The following GRIK2 variants were observed in gnomAD, a reference collection of about 807,000 sequenced individuals.
GRIK2 encodes glutamate receptor ionotropic, kainate 2.
A neutral mutation model predicts 100.3 loss-of-function variants in GRIK2; 32 were observed. The ratio of observed to expected loss-of-function variants is 0.32; its 90% CI spans 0.24 to 0.43. The LOEUF (loss-of-function observed/expected upper bound fraction) is 0.43. GRIK2 is among the 20% of genes least tolerant of loss of function. The probability of loss-of-function intolerance (pLI) is 1.00; values close to 1 mark genes in which losing one functional copy is unlikely to be tolerated. For missense variants in GRIK2, 843 were observed against 1,114.9 expected (o/e 0.76, Z 3.47); for synonymous variants, 417 against 389.4 (o/e 1.07, Z -0.83).
At chr6:101,812,637 C>T (rs185695060) in intron 9 of GRIK2, among the ~76,000 whole-genome samples, 45 of 151,848 alleles carry the variant, frequency 3.0e-4, no homozygotes, top group Middle Eastern at 3.4e-3. Flanking sequence ...AGTCTCCATC[C>T]GTAGGGAATT....
intron 9 of GRIK2, among the ~76,000 whole-genome samples, chr6:101,816,996 C>T (rs1425403100): frequency 6.6e-6 from 1 of 152,106 alleles, no homozygotes; most frequent in African/African-American, 2.4e-5. Flanking sequence ...TTACTACGGC[C>T]CTGTACATTA....
intron 12 of GRIK2, among the ~76,000 whole-genome samples, chr6:101,913,094 A>G (rs552221844): frequency 9.9e-5 from 15 of 151,770 alleles, no homozygotes; most frequent in African/African-American, 3.1e-4. Context: ...AGTAGATCAC[A>G]AAAAAGACAG....
At position 101,488,021 on chromosome 6, in the gene GRIK2, A is replaced by C. The variant is rs563611353; in HGVS notation, c.115+88629A>C. ...GATGGATGTCAACTATAAAGTTACA[A>C]GTCTTCATCTTTTTACTTCTATTTA... On this transcript the variant is annotated intron_variant, in intron 2 of 16. Transcript: ENST00000369134. Among the ~76,000 whole-genome samples, 2 of 146,528 alleles carry C rather than the reference A, an allele frequency of 1.4e-5. 1 individual carries two copies. The highest frequency in any genetic ancestry group is 5.2e-5 in the African/African-American group (2 of 38,590).
chr6:101,686,453 A>T, intron 7 of GRIK2, 100 bp downstream of exon 7: 1 of 817,478 alleles, frequency 1.2e-6, no homozygotes, highest in African/African-American at 1.7e-5. Flanking sequence ...CTTCAGTTTA[A>T]TTGTTTGACA....
chr6:101,630,498 G>A (rs1402577134), intron 4 of GRIK2, among the ~76,000 whole-genome samples: 7 of 152,080 alleles, frequency 4.6e-5, no homozygotes, highest in Non-Finnish European at 2.9e-5. Flanking sequence ...TTTGTTGGCT[G>A]CATGTACATC....
intron 15 of GRIK2, among the ~76,000 whole-genome samples, chr6:102,051,255 TC>T: frequency 2.0e-5 from 1 of 48,850 alleles, no homozygotes; most frequent in East Asian, 8.3e-4. Flanking sequence ...CTCCCTCCCT[TC>T]CTTCCTTCCT....
At chr6:102,013,207 G>T (rs932839670) in intron 14 of GRIK2, among the ~76,000 whole-genome samples, 6 of 152,142 alleles carry the variant, frequency 3.9e-5, no homozygotes, top group African/African-American at 1.4e-4. Context: ...TTGTGAATGG[G>T]ATTGCATTCC....
At chr6:102,052,911 T>C (rs369446720) in intron 15 of GRIK2, among the ~76,000 whole-genome samples, 49 of 152,156 alleles carry the variant, frequency 3.2e-4, no homozygotes, top group African/African-American at 1.2e-3. Context: ...AAACCCCCTC[T>C]GTACTAAAAA....
chr6:101,640,635 T>A (rs1781238403), intron 4 of GRIK2, among the ~76,000 whole-genome samples: 1 of 152,138 alleles, frequency 6.6e-6, no homozygotes, highest in Non-Finnish European at 1.5e-5. Context: ...AGTCAAGTTG[T>A]CGTTGAATTT....
At chr6:102,037,959 G>A (rs1770360101) in intron 15 of GRIK2, among the ~76,000 whole-genome samples, 1 of 151,336 alleles carries the variant, frequency 6.6e-6, no homozygotes, top group African/African-American at 2.4e-5. Flanking sequence ...AAAAGAAGAG[G>A]CTGATAATGT....
intron 7 of GRIK2, among the ~76,000 whole-genome samples, chr6:101,700,411 A>G (rs1048606071): frequency 2.0e-5 from 3 of 152,076 alleles, no homozygotes; most frequent in Non-Finnish European, 2.9e-5. Context: ...ATAAAAATAG[A>G]TGAGAGTAGG....
chr6:101,467,026 A>G (rs891797538), intron 2 of GRIK2, among the ~76,000 whole-genome samples: 1 of 152,202 alleles, frequency 6.6e-6, no homozygotes, highest in Admixed American at 6.5e-5. Flanking sequence ...TAGATGACAC[A>G]AGAAAATGAA....
At chr6:101,826,797 G>GT (rs1264129022) in intron 10 of GRIK2, among the ~76,000 whole-genome samples, 2 of 151,852 alleles carry the variant, frequency 1.3e-5, no homozygotes, top group African/African-American at 2.4e-5. Flanking sequence ...AAAAAATGAC[G>GT]TTTTTTCTTA....
chr6:101,979,823 A>T (rs1793608363), intron 14 of GRIK2, among the ~76,000 whole-genome samples: 1 of 151,978 alleles, frequency 6.6e-6, no homozygotes, highest in Non-Finnish European at 1.5e-5. Context: ...ATATTCATTG[A>T]GTTGCTGCTC....
chr6:101,738,122 A>G (rs1356954740), intron 7 of GRIK2, among the ~76,000 whole-genome samples: 1 of 152,190 alleles, frequency 6.6e-6, no homozygotes, highest in Admixed American at 6.5e-5. Context: ...AATTATCCTA[A>G]CATAGGAAAA....
intron 12 of GRIK2, among the ~76,000 whole-genome samples, chr6:101,903,312 C>A (rs12191497): frequency 0.1 from 15,206 of 151,722 alleles, 885 homozygotes; most frequent in Middle Eastern, 0.21. Context: ...AGTGGCTGCC[C>A]ATAGGGATTT....
At chr6:101,985,252 G>A (rs190973422) in intron 14 of GRIK2, among the ~76,000 whole-genome samples, 3 of 151,756 alleles carry the variant, frequency 2.0e-5, no homozygotes, top group East Asian at 3.9e-4. Context: ...GGGTATTTTT[G>A]TATTGTATTC....
At chr6:101,446,244 T>G (rs1207238295) in intron 2 of GRIK2, among the ~76,000 whole-genome samples, 1 of 151,892 alleles carries the variant, frequency 6.6e-6, no homozygotes, top group Non-Finnish European at 1.5e-5. Context: ...GGCACCAAAT[T>G]AAATTGAATG....
intron 7 of GRIK2, among the ~76,000 whole-genome samples, chr6:101,707,327 T>A (rs1773372420): frequency 6.6e-6 from 1 of 151,186 alleles, no homozygotes; most frequent in Non-Finnish European, 1.5e-5. Flanking sequence ...TATAAGCAAG[T>A]ATGGAAAATA....
Sources: allele counts gnomAD v4.1 joint callset (sites outside exome capture counted in the v4.1 genomes callset), GRCh38; gene constraint gnomAD v4.1.1; transcripts MANE v1.5; gene names NCBI Gene and HGNC (gene_info 2026-07-23, HGNC 2026-07-21).